The following RTL4 variants were observed in gnomAD, a reference collection of about 807,000 sequenced individuals.
RTL4 encodes the protein retrotransposon Gag like 4.
RTL4 carries 4 observed loss-of-function variants against 5.3 expected under a neutral mutation model. The observed-to-expected ratio is 0.75, with a 90% CI of 0.37 to 1.72. The LOEUF is 1.72. RTL4 is among the 40% of genes most tolerant of loss of function. The pLI, the probability that RTL4 is intolerant of heterozygous loss-of-function variation, is 0.04. For synonymous variants in RTL4, 98 were observed against 87.3 expected (o/e 1.12, Z -0.68); for missense variants, 260 against 227.1 (o/e 1.14, Z -0.93).
At chrX:112,410,958 A>G in the RTL4 span, among the ~76,000 whole-genome samples, 1 of 111,666 alleles carries the variant, frequency 9.0e-6, no homozygotes, top group East Asian at 2.8e-4. Flanking sequence ...TTGAAAGAGC[A>G]GCAAAATCAA....
At chrX:112,332,561 C>G in the RTL4 span, among the ~76,000 whole-genome samples, 1 of 108,588 alleles carries the variant, frequency 9.2e-6, no homozygotes, top group Non-Finnish European at 1.9e-5. Context: ...AACCATCATT[C>G]TCAGCAAACT....
At chrX:112,236,202 A>C in the RTL4 span, among the ~76,000 whole-genome samples, 1 of 108,807 alleles carries the variant, frequency 9.2e-6, no homozygotes, top group African/African-American at 3.3e-5. Context: ...GTGTCATAAC[A>C]GCATTCTCTC....
the RTL4 span, among the ~76,000 whole-genome samples, chrX:112,296,696 G>A: frequency 1.2e-3 from 126 of 103,646 alleles, no homozygotes; most frequent in African/African-American, 4.4e-3. Context: ...TGCAAGCTCC[G>A]CCTCCCGAGT....
chrX:112,220,519 G>A, the RTL4 span, among the ~76,000 whole-genome samples: 1 of 112,600 alleles, frequency 8.9e-6, no homozygotes, highest in Non-Finnish European at 1.9e-5. Flanking sequence ...CCATTATCCT[G>A]GCAATTAACA....
At chrX:112,408,966 G>A in the RTL4 span, among the ~76,000 whole-genome samples, 17 of 112,120 alleles carry the variant, frequency 1.5e-4, no homozygotes, top group Admixed American at 1.3e-3. Context: ...GACTTTCCCC[G>A]ACAAACAAAA....
the RTL4 span, among the ~76,000 whole-genome samples, chrX:112,333,280 A>G: frequency 9.0e-6 from 1 of 111,262 alleles, no homozygotes; most frequent in African/African-American, 3.3e-5. Flanking sequence ...GCAGTTATAT[A>G]GGATGAATAA....
the RTL4 span, among the ~76,000 whole-genome samples, chrX:112,197,326 C>A: frequency 2.7e-5 from 3 of 110,859 alleles, no homozygotes; most frequent in African/African-American, 9.8e-5. Flanking sequence ...CTGGTCTTCA[C>A]TGATACTGTG....
chrX:112,303,619 AG>A, the RTL4 span, among the ~76,000 whole-genome samples: 222 of 33,478 alleles, frequency 6.6e-3, 3 homozygotes, highest in African/African-American at 0.028. Context: ...GGGTGGGGGG[AG>A]GGGGGAGGGA....
chrX:112,230,283 G>A, the RTL4 span, among the ~76,000 whole-genome samples: 1 of 112,359 alleles, frequency 8.9e-6, no homozygotes, highest in African/African-American at 3.2e-5. Context: ...TCAGACTGCT[G>A]TGCTAGCAGT....
the RTL4 span, among the ~76,000 whole-genome samples, chrX:112,161,840 C>CCTTT: frequency 2.5e-5 from 1 of 40,066 alleles, no homozygotes; most frequent in African/African-American, 1.2e-4. Context: ...TTCCTTCCTT[C>CCTTT]CTTCCTTTCT....
the RTL4 span, among the ~76,000 whole-genome samples, chrX:112,319,477 T>A: frequency 8.9e-6 from 1 of 112,261 alleles, no homozygotes; most frequent in Non-Finnish European, 1.9e-5. Flanking sequence ...TATTCATTTT[T>A]ATATCTTTAT....
chrX:112,216,389 A>G, the RTL4 span, among the ~76,000 whole-genome samples: 1 of 112,051 alleles, frequency 8.9e-6, no homozygotes, highest in African/African-American at 3.2e-5. Context: ...CCATACTCCT[A>G]ACCATAGAAT....
chrX:112,366,305 T>C, the RTL4 span, among the ~76,000 whole-genome samples: 1 of 111,576 alleles, frequency 9.0e-6, no homozygotes, highest in Non-Finnish European at 1.9e-5. Context: ...TCAGGAAAGA[T>C]AAAGTAATAA....
the RTL4 span, among the ~76,000 whole-genome samples, chrX:112,380,673 G>C: frequency 1.2e-4 from 13 of 112,414 alleles, no homozygotes; most frequent in East Asian, 2.5e-3. Context: ...TCTGGGCTGC[G>C]AACGAAAACA....
the RTL4 span, among the ~76,000 whole-genome samples, chrX:112,112,937 G>A: frequency 6.3e-5 from 7 of 111,387 alleles, no homozygotes; most frequent in Non-Finnish European, 1.1e-4. Context: ...GAGAGAGCAG[G>A]GTATAGGGGT....
the RTL4 span, among the ~76,000 whole-genome samples, chrX:112,330,340 A>C: frequency 2.4e-4 from 22 of 93,348 alleles, no homozygotes; most frequent in Non-Finnish European, 3.8e-4. Context: ...ATGTACAAAA[A>C]TCACAAGCAT....
the RTL4 span, among the ~76,000 whole-genome samples, chrX:112,095,917 G>A: frequency 2.7e-5 from 3 of 111,957 alleles, no homozygotes; most frequent in Non-Finnish European, 5.6e-5. Flanking sequence ...AGCACTTAAA[G>A]TTTCTAATGA....
At chrX:112,261,191 C>A in the RTL4 span, among the ~76,000 whole-genome samples, 1 of 111,001 alleles carries the variant, frequency 9.0e-6, no homozygotes, top group Non-Finnish European at 1.9e-5. Flanking sequence ...GTTCTGACCA[C>A]GGAAATCAGG....
chrX:112,265,361 G>A, the RTL4 span, among the ~76,000 whole-genome samples: 1 of 112,220 alleles, frequency 8.9e-6, no homozygotes, highest in Non-Finnish European at 1.9e-5. Flanking sequence ...AACTCCCAGA[G>A]CGTGGCCTTG....
Sources: gnomAD v4.1 joint callset for allele counts (sites outside exome capture counted in the v4.1 genomes callset) on GRCh38, gnomAD v4.1.1 for gene constraint, MANE v1.5 for transcripts, NCBI Gene and HGNC (gene_info 2026-07-23, HGNC 2026-07-21) for gene names.